The following SNTB2 variants were observed in gnomAD, a reference collection of about 807,000 sequenced individuals.
The protein encoded by SNTB2 is beta-2-syntrophin.
In SNTB2, 34 loss-of-function variants were observed where a neutral mutation model predicts 46.2. The observed-to-expected ratio is 0.74, with a 90% confidence interval of 0.56 to 0.98. The LOEUF (loss-of-function observed/expected upper bound fraction) is 0.98, where lower values mean the gene tolerates loss of function less well. Ranked by LOEUF, SNTB2 falls within the 50% of genes least tolerant of loss-of-function variation. The pLI is 0.00. For synonymous variants in SNTB2, 290 were observed against 312.6 expected, an observed-to-expected ratio of 0.93 and a Z score of 0.76; for missense variants, 603 against 731.4, an observed-to-expected ratio of 0.82 and a Z score of 2.02.
intron 1 of SNTB2, chr16:69,242,008 A>G (rs1964621483): frequency 6.6e-6 from 1 of 151,894 alleles, no homozygotes; most frequent in Non-Finnish European, 1.5e-5. Flanking sequence ...CAAACATGGA[A>G]CTCTTCATAA....
At chr16:69,275,292 TG>T (rs1166002707) in intron 4 of SNTB2, among the ~76,000 whole-genome samples, 1 of 152,214 alleles carries the variant, frequency 6.6e-6, no homozygotes, top group East Asian at 1.9e-4. Context: ...CTCAAACTCC[TG>T]GGCTCAAACA....
At chr16:69,292,368 AT>A (rs1208360814) in intron 5 of SNTB2, among the ~76,000 whole-genome samples, 4,461 of 26,312 alleles carry the variant, frequency 0.17, 797 homozygotes, top group African/African-American at 0.19. Context: ...ATATATATAT[AT>A]ATATATATAT....
intron 3 of SNTB2, among the ~76,000 whole-genome samples, chr16:69,260,932 G>A (rs1284161163): frequency 6.6e-6 from 1 of 152,084 alleles, no homozygotes; most frequent in Non-Finnish European, 1.5e-5. Flanking sequence ...TGAGTTAAAG[G>A]AAAAGAACTT....
chr16:69,224,389 C>T (rs12149141), intron 1 of SNTB2, among the ~76,000 whole-genome samples: 21,274 of 151,236 alleles, frequency 0.14, 1,618 homozygotes, highest in Middle Eastern at 0.23. Context: ...TTTTTTGTAT[C>T]GTTAGTAGAG....
At chr16:69,249,971 C>A (rs1319196987) in intron 2 of SNTB2, among the ~76,000 whole-genome samples, 1 of 151,946 alleles carries the variant, frequency 6.6e-6, no homozygotes, top group Non-Finnish European at 1.5e-5. Context: ...TGGTGGTGCA[C>A]GCCTGTAATC....
intron 5 of SNTB2, among the ~76,000 whole-genome samples, chr16:69,287,720 A>G (rs1026522989): frequency 1.3e-5 from 2 of 151,966 alleles, no homozygotes; most frequent in African/African-American, 4.8e-5. Context: ...TTAGCTGAGC[A>G]TAGTGGCACA....
At chr16:69,263,756 A>G (rs1964858699) in intron 3 of SNTB2, among the ~76,000 whole-genome samples, 2 of 152,064 alleles carry the variant, frequency 1.3e-5, no homozygotes, top group African/African-American at 2.4e-5. Context: ...GAGTCCACCA[A>G]ATGGAGGACA....
intron 1 of SNTB2, among the ~76,000 whole-genome samples, chr16:69,193,463 G>C (rs541535715): frequency 7.3e-5 from 11 of 150,958 alleles, no homozygotes; most frequent in African/African-American, 2.7e-4. Flanking sequence ...CAAGTAGCTT[G>C]GATTACTGGT....
intron 1 of SNTB2, among the ~76,000 whole-genome samples, chr16:69,244,195 C>G (rs1275156496): frequency 6.6e-6 from 1 of 152,182 alleles, no homozygotes; most frequent in East Asian, 1.9e-4. Context: ...AAAGGCATCT[C>G]TATGACCACA....
At chr16:69,266,654 G>A (rs1964888039) in intron 3 of SNTB2, among the ~76,000 whole-genome samples, 1 of 152,082 alleles carries the variant, frequency 6.6e-6, no homozygotes, top group Admixed American at 6.6e-5. Context: ...TTTTCCAAAT[G>A]CTTATACTCT....
chr16:69,284,459 TAAAAAAA>T (rs3087058), intron 5 of SNTB2, among the ~76,000 whole-genome samples: 1,483 of 45,970 alleles, frequency 0.032, 59 homozygotes, highest in Non-Finnish European at 0.047. Flanking sequence ...CCGTCTTTAC[TAAAAAAA>T]AAAAAAAAAA....
chr16:69,251,690 A>G (rs980547971), intron 2 of SNTB2, among the ~76,000 whole-genome samples: 1 of 152,068 alleles, frequency 6.6e-6, no homozygotes, highest in Admixed American at 6.5e-5. Context: ...AGGGAGGAGA[A>G]TCGCATGAAC....
intron 2 of SNTB2, among the ~76,000 whole-genome samples, chr16:69,258,969 A>G (rs1964806313): frequency 6.6e-6 from 1 of 152,034 alleles, no homozygotes; most frequent in Non-Finnish European, 1.5e-5. Context: ...ATGGCAGTAC[A>G]TCTTTTTAAG....
At chr16:69,267,746 A>G (rs1964899915) in intron 3 of SNTB2, among the ~76,000 whole-genome samples, 1 of 151,960 alleles carries the variant, frequency 6.6e-6, no homozygotes. Flanking sequence ...GGTAGATGTT[A>G]TAGCACAGAA....
chr16:69,283,238 G>T (rs1189647034), intron 4 of SNTB2, among the ~76,000 whole-genome samples: 1 of 152,184 alleles, frequency 6.6e-6, no homozygotes, highest in Non-Finnish European at 1.5e-5. Flanking sequence ...TGGGATTACA[G>T]GTGTGAGTCA....
chr16:69,266,237 G>A (rs535027408), intron 3 of SNTB2, among the ~76,000 whole-genome samples: 1 of 152,158 alleles, frequency 6.6e-6, no homozygotes, highest in East Asian at 1.9e-4. Flanking sequence ...GGTGGCGGAC[G>A]CCTGTAATCC....
Position 69,307,996 on chromosome 16 carries a change from C to T in SNTB2, c.*7072C>T, listed in dbSNP as rs1251372780. On this transcript the variant is annotated 3_prime_UTR_variant, in exon 7 of 7. Transcript: ENST00000336278. ...TTATCTCTAGGGTTAGCTTTTCAGG[C>T]AACATCCTTGGTCATTGCCCAGAAA... The T allele has an allele frequency of 6.6e-6, 1 of 152,220 alleles. No individual in the cohort carries two copies. The highest frequency in any genetic ancestry group is 1.5e-5 in the Non-Finnish European group (1 of 68,032). 9.4% of individuals were successfully genotyped at this position (152,220 alleles called of 1,614,324 possible). A position where few individuals can be genotyped will look rare whatever the true frequency, so the allele number is the denominator to read the frequency against.
chr16:69,262,563 C>T (rs563167271), intron 3 of SNTB2, among the ~76,000 whole-genome samples: 4 of 151,720 alleles, frequency 2.6e-5, no homozygotes, highest in South Asian at 2.1e-4. Context: ...TGTTTTGATA[C>T]GTGTATACAT....
rs1965280994 is a variant in SNTB2, at chr16:69,302,094, G to A, written c.*1170G>A. On this transcript the variant is annotated 3_prime_UTR_variant, in exon 7 of 7. Coordinates refer to ENST00000336278, the MANE Select transcript of SNTB2 (RefSeq NM_006750.4). ...GGCCCTTTGTGGCAGCAGTGGCATG[G>A]ACAAGCAACTGCTAATTCGAGACTT... 2 of 152,116 alleles carry A rather than the reference G, an allele frequency of 1.3e-5. No individual in the cohort carries two copies. The highest frequency in any genetic ancestry group is 6.6e-5 in the Admixed American group (1 of 15,264). The allele number at this position is 152,116 out of a possible 1,614,324, so 9.4% of individuals were successfully genotyped here. A position where few individuals can be genotyped will look rare whatever the true frequency, so the allele number is the denominator to read the frequency against.
Sources: allele counts gnomAD v4.1 joint callset (sites outside exome capture counted in the v4.1 genomes callset), GRCh38; gene constraint gnomAD v4.1.1; transcripts MANE v1.5; gene names NCBI Gene and HGNC (gene_info 2026-07-23, HGNC 2026-07-21).